Variants in ARL15 observed in about 807,000 individuals in gnomAD.
ARL15 encodes ARF like GTPase 15.
Under a neutral mutation model 25.2 loss-of-function variants are expected in ARL15, and 19 were observed. The ratio of observed to expected loss-of-function variants is 0.75; its 90% CI spans 0.53 to 1.10. The LOEUF is 1.10. ARL15 is among the 50% of genes least tolerant of loss of function. The probability of loss-of-function intolerance (pLI) is 0.00; values close to 1 mark genes in which losing one functional copy is unlikely to be tolerated. For synonymous variants in ARL15, 94 were observed against 86.8 expected, an observed-to-expected ratio of 1.08 and a Z score of -0.46; for missense variants, 220 against 246.0, an observed-to-expected ratio of 0.89 and a Z score of 0.71.
intron 4 of ARL15, among the ~76,000 whole-genome samples, chr5:53,990,212 A>T (rs570349715): frequency 2.0e-5 from 3 of 152,040 alleles, no homozygotes; most frequent in Non-Finnish European, 2.9e-5. Context: ...CAGCCTGGGC[A>T]GCAGGGCCAG....
rs966732119 is a variant in ARL15 at position 53,884,745 on chromosome 5, A to G, written c.*1816T>C. 6.6e-5 allele frequency: 10 copies of G among 152,482 alleles called. No individual in the cohort carries two copies. Among genetic ancestry groups the G allele is most frequent in the African/African-American group, 2.4e-4 (10 of 41,420 alleles). The allele number at this position is 152,482 out of a possible 1,614,324, so 9.4% of individuals were successfully genotyped here. ...CACTCAGCCACGGTGTCTTAAAAAG[A>G]CAACATTCTACATTTAATGAACTTG... On this transcript the variant is annotated 3_prime_UTR_variant, in exon 5 of 5. Coordinates refer to ENST00000504924, the MANE Select transcript of ARL15 (RefSeq NM_019087.3).
intron 1 of ARL15, among the ~76,000 whole-genome samples, chr5:54,196,214 T>C (rs971862565): frequency 6.6e-6 from 1 of 152,156 alleles, no homozygotes; most frequent in Admixed American, 6.6e-5. Flanking sequence ...GTTCTCAACA[T>C]AGATGAACTT....
At chr5:54,004,366 G>A (rs1748948268) in intron 4 of ARL15, among the ~76,000 whole-genome samples, 1 of 152,064 alleles carries the variant, frequency 6.6e-6, no homozygotes, top group Non-Finnish European at 1.5e-5. Context: ...GGTGGCGCGT[G>A]CCTGTAGTCC....
intron 1 of ARL15, among the ~76,000 whole-genome samples, chr5:54,248,372 T>G (rs934941531): frequency 6.6e-6 from 1 of 152,202 alleles, no homozygotes; most frequent in African/African-American, 2.4e-5. Context: ...GGACTCACTC[T>G]CCTGCAACCA....
intron 1 of ARL15, among the ~76,000 whole-genome samples, chr5:54,289,232 C>A (rs1299058001): frequency 6.6e-6 from 1 of 152,042 alleles, no homozygotes; most frequent in Non-Finnish European, 1.5e-5. Flanking sequence ...CATTTTGTGC[C>A]CAGCCATGTC....
At chr5:54,238,370 C>CA (rs1323467051) in intron 1 of ARL15, among the ~76,000 whole-genome samples, 14 of 152,140 alleles carry the variant, frequency 9.2e-5, no homozygotes, top group South Asian at 2.1e-4. Flanking sequence ...ACAACAATCA[C>CA]AAAAAACAAT....
At chr5:53,999,940 GA>G (rs1265722946) in intron 4 of ARL15, among the ~76,000 whole-genome samples, 1 of 151,936 alleles carries the variant, frequency 6.6e-6, no homozygotes, top group Middle Eastern at 3.4e-3. Flanking sequence ...AAAAATAAGG[GA>G]AAAAAAGGAA....
chr5:54,238,084 A>C (rs530200230), intron 1 of ARL15, among the ~76,000 whole-genome samples: 1 of 152,286 alleles, frequency 6.6e-6, no homozygotes, highest in East Asian at 1.9e-4. Context: ...AAAGCATCTG[A>C]CCATTCTTTC....
chr5:53,916,121 C>A (rs1170809537), intron 4 of ARL15, among the ~76,000 whole-genome samples: 1 of 151,980 alleles, frequency 6.6e-6, no homozygotes, highest in African/African-American at 2.4e-5. Flanking sequence ...AACTCCTGGG[C>A]TCAAGCGATC....
At chr5:54,136,503 A>T (rs998924249) in intron 3 of ARL15, among the ~76,000 whole-genome samples, 5 of 152,216 alleles carry the variant, frequency 3.3e-5, no homozygotes, top group Non-Finnish European at 7.3e-5. Context: ...CTCGCATTCA[A>T]ATTAAAACCA....
intron 1 of ARL15, among the ~76,000 whole-genome samples, chr5:54,304,221 G>T (rs758931759): frequency 4.6e-5 from 7 of 152,252 alleles, no homozygotes; most frequent in Non-Finnish European, 8.8e-5. Context: ...AGGCAATGAA[G>T]AGGGAGGGCC....
chr5:54,154,638 A>G lies in ARL15; in HGVS notation c.195T>C (p.Gly65=), dbSNP rs1194508130. Residue 65 remains glycine, a splice_region_variant and synonymous_variant, in exon 3 of 5, where the codon GGT becomes GGC. Coordinates refer to ENST00000504924, the MANE Select transcript of ARL15 (RefSeq NM_019087.3). The part of the protein sequence containing the change: ...ESPDNVVSTT[G]FSIKAVPFQN... ...GGAATGGCACTGCTTTAATACTAAA[A>G]CCTAAAATTAGAAAACAAAAACATA... The G allele has an allele frequency of 1.3e-6, 2 of 1,510,540 alleles. No homozygotes were observed. Among genetic ancestry groups the G allele is most frequent in the Non-Finnish European group, 1.8e-6 (2 of 1,130,232 alleles). 93.6% of individuals were successfully genotyped at this position (1,510,540 alleles called of 1,614,324 possible). A position where few individuals can be genotyped will look rare whatever the true frequency, so the allele number is the denominator to read the frequency against.
At chr5:54,217,598 A>C (rs997356133) in intron 1 of ARL15, among the ~76,000 whole-genome samples, 1 of 152,154 alleles carries the variant, frequency 6.6e-6, no homozygotes, top group Non-Finnish European at 1.5e-5. Flanking sequence ...ATCTTAGCAG[A>C]GTTCAAAAGT....
chr5:53,936,360 G>A (rs1746348609), intron 4 of ARL15, among the ~76,000 whole-genome samples: 1 of 152,172 alleles, frequency 6.6e-6, no homozygotes, highest in Non-Finnish European at 1.5e-5. Flanking sequence ...TAAACAATTT[G>A]CTCAAGGTCA....
At chr5:54,030,745 G>A (rs76168072) in intron 4 of ARL15, among the ~76,000 whole-genome samples, 3,377 of 152,264 alleles carry the variant, frequency 0.022, 115 homozygotes, top group African/African-American at 0.077. Context: ...CAGCAGAGAT[G>A]TGCCATGATA....
At chr5:54,090,250 A>C (rs1362905381) in intron 4 of ARL15, among the ~76,000 whole-genome samples, 1 of 152,208 alleles carries the variant, frequency 6.6e-6, no homozygotes, top group African/African-American at 2.4e-5. Flanking sequence ...AAAGACGAAT[A>C]AACCATAGCC....
At chr5:54,151,454 G>A (rs1237957943) in intron 3 of ARL15, among the ~76,000 whole-genome samples, 3 of 152,070 alleles carry the variant, frequency 2.0e-5, no homozygotes, top group African/African-American at 7.2e-5. Context: ...TGAGGGCTGT[G>A]CTTAGATCTT....
Position 54,237,468 on chromosome 5 carries a change from A to G in ARL15, c.49-65540T>C, listed in dbSNP as rs530324065. ...ATACAATTATCTTAATAGAAACAGC[A>G]TGCTGACAATGCATGATCAGACAGG... On this transcript the variant is annotated intron_variant, in intron 1 of 4. Coordinates refer to ENST00000504924, the MANE Select transcript of ARL15 (RefSeq NM_019087.3). 5.9e-5 allele frequency among the ~76,000 whole-genome samples: 9 copies of G among 152,344 alleles called. No individual in the cohort carries two copies. In the South Asian group the frequency reaches 1.9e-3, roughly 32 times the overall value.
chr5:53,914,655 G>A (rs1183880586), intron 4 of ARL15, among the ~76,000 whole-genome samples: 1 of 152,218 alleles, frequency 6.6e-6, no homozygotes, highest in Non-Finnish European at 1.5e-5. Flanking sequence ...TCATCTTGGC[G>A]AATTCCGCAT....
Sources: gnomAD v4.1 joint callset for allele counts (sites outside exome capture counted in the v4.1 genomes callset) on GRCh38, gnomAD v4.1.1 for gene constraint, MANE v1.5 for transcripts, NCBI Gene and HGNC (gene_info 2026-07-23, HGNC 2026-07-21) for gene names.